FBXO3: variants seen among roughly 807,000 people sequenced by gnomAD.
The protein encoded by FBXO3 is F-box only protein 3.
In FBXO3, 17 loss-of-function variants were observed where a neutral mutation model predicts 64.8. That is an observed-to-expected ratio of 0.26 (90% CI 0.18 to 0.39). The LOEUF is 0.39. Ranked by LOEUF, FBXO3 falls within the 10% of genes least tolerant of loss-of-function variation. The probability of loss-of-function intolerance (pLI) is 1.00; values close to 1 mark genes in which losing one functional copy is unlikely to be tolerated. For missense variants in FBXO3, 420 were observed against 589.9 expected (o/e 0.71, Z 2.98); for synonymous variants, 182 against 201.6 (o/e 0.90, Z 0.82).
chr11:33,750,906 T>C (rs1854940625), intron 7 of FBXO3, among the ~76,000 whole-genome samples: 1 of 152,152 alleles, frequency 6.6e-6, no homozygotes, highest in African/African-American at 2.4e-5. Context: ...AAATAACGGA[T>C]TGGTAATTAG....
intron 8 of FBXO3, among the ~76,000 whole-genome samples, chr11:33,749,674 C>CT (rs1000804625): frequency 1.3e-5 from 2 of 152,178 alleles, no homozygotes; most frequent in African/African-American, 4.8e-5. Flanking sequence ...TGGGATTACA[C>CT]TTTGACTCTG....
intron 3 of FBXO3, among the ~76,000 whole-genome samples, chr11:33,759,497 T>A (rs1485391232): frequency 6.6e-6 from 1 of 152,126 alleles, no homozygotes; most frequent in African/African-American, 2.4e-5. Flanking sequence ...GGAAAAAGGA[T>A]GAACTGAAAA....
At chr11:33,751,915 T>C (rs1854970288) in intron 6 of FBXO3, among the ~76,000 whole-genome samples, 1 of 152,212 alleles carries the variant, frequency 6.6e-6, no homozygotes, top group Non-Finnish European at 1.5e-5. Context: ...GGTACAAGAA[T>C]GAAAAGCCTT....
intron 10 of FBXO3, chr11:33,745,736 A>T (rs895481010): frequency 6.6e-6 from 1 of 152,190 alleles, no homozygotes; most frequent in African/African-American, 2.4e-5. Context: ...TAAAAAAGCT[A>T]GAAGAAAAGC....
At chr11:33,761,355 T>C (rs1181025269) in intron 3 of FBXO3, among the ~76,000 whole-genome samples, 1 of 152,080 alleles carries the variant, frequency 6.6e-6, no homozygotes, top group Non-Finnish European at 1.5e-5. Flanking sequence ...AGACACATCT[T>C]AAAGTAAATA....
At chr11:33,760,284 G>A (rs1855210607) in intron 3 of FBXO3, among the ~76,000 whole-genome samples, 1 of 152,174 alleles carries the variant, frequency 6.6e-6, no homozygotes, top group Non-Finnish European at 1.5e-5. Context: ...TGTAGTGGGT[G>A]CAGTGAGGGT....
In FBXO3 at chr11:33,757,183, T is replaced by G. The variant is rs12224154; in HGVS notation, c.474-1208A>C. 7 of 448,214 alleles carry G rather than the reference T, an allele frequency of 1.6e-5. No individual in the cohort carries two copies. The East Asian group carries it at 4.1e-4, about 26-fold the overall frequency. 27.8% of individuals were successfully genotyped at this position (448,214 alleles called of 1,614,324 possible). On this transcript the variant is annotated intron_variant, in intron 4 of 10. Coordinates refer to ENST00000265651, the MANE Select transcript of FBXO3 (RefSeq NM_012175.4). ...AGGTTCCAATAAGAACAGTGCAAAG[T>G]TCTCCTTAAATTCTTATTAGCATTT...
intron 3 of FBXO3, among the ~76,000 whole-genome samples, chr11:33,766,179 T>C (rs1246701115): frequency 6.6e-6 from 1 of 152,202 alleles, no homozygotes; most frequent in East Asian, 1.9e-4. Flanking sequence ...TCTTTTCCCC[T>C]TAACCTACTC....
At chr11:33,760,293 GTATAATTACCTTCAA>G (rs1193673930) in intron 3 of FBXO3, among the ~76,000 whole-genome samples, 1 of 152,100 alleles carries the variant, frequency 6.6e-6, no homozygotes, top group Non-Finnish European at 1.5e-5. Flanking sequence ...TGCAGTGAGG[GTATAATTACCTTCAA>G]AAGAGAAACA....
intron 9 of FBXO3, among the ~76,000 whole-genome samples, chr11:33,748,550 A>G (rs1854873881): frequency 6.6e-6 from 1 of 152,210 alleles, no homozygotes; most frequent in African/African-American, 2.4e-5. Flanking sequence ...TCTAACCCAC[A>G]ACATACAATG....
intron 6 of FBXO3, among the ~76,000 whole-genome samples, chr11:33,751,827 G>T (rs557036939): frequency 6.6e-6 from 1 of 152,128 alleles, no homozygotes; most frequent in African/African-American, 2.4e-5. Flanking sequence ...CCCAACTATT[G>T]TTAGAGAATC....
chr11:33,758,373 G>A lies in FBXO3; in HGVS notation c.473+114C>T, dbSNP rs1855160292. On this transcript the variant is annotated intron_variant, in intron 4 of 10. Transcript: ENST00000265651. ...ATGGATTGCTATAAAGGAGAAAGAG[G>A]GAATTCCCATGCTTCTTTAATTTGT... The A allele has an allele frequency of 4.9e-6, 3 of 611,672 alleles. No individual in the cohort carries two copies. In the East Asian group the frequency reaches 9.2e-5, roughly 19 times the overall value. 37.9% of individuals were successfully genotyped at this position (611,672 alleles called of 1,614,324 possible).
chr11:33,768,773 A>G, intron 3 of FBXO3, 78 bp downstream of exon 3: 1 of 1,521,070 alleles, frequency 6.6e-7, no homozygotes, highest in Non-Finnish European at 9.1e-7. Context: ...TAGATGACAG[A>G]GATTCAAAGT....
At chr11:33,747,409 A>G in intron 9 of FBXO3, 89 bp from the exon 10 acceptor site, 1 of 1,041,926 alleles carries the variant, frequency 9.6e-7, no homozygotes, top group Non-Finnish European at 1.4e-6. Context: ...GCATTATGTA[A>G]ACTATATAAT....
chr11:33,757,682 G>A (rs187894263), intron 4 of FBXO3, among the ~76,000 whole-genome samples: 320 of 35,138 alleles, frequency 9.1e-3, no homozygotes, highest in Middle Eastern at 0.062. Context: ...AAAAAAAAAA[G>A]TCTGGGTGGT....
rs34611010 is a variant in FBXO3 at position 33,762,728 on chromosome 11, G to GAAA, written c.359-4130_359-4128dup. On this transcript the variant is annotated intron_variant, in intron 3 of 10. Coordinates refer to ENST00000265651, the MANE Select transcript of FBXO3 (RefSeq NM_012175.4). ...GATCTAAGCAATGATCCCAAGTCAG[G>GAAA]AAAAAAAAAAAAAATCACAGTAAAT... 9.9e-5 allele frequency among the ~76,000 whole-genome samples: 14 copies of GAAA among 141,542 alleles called. No individual in the cohort carries two copies. The East Asian group carries it at 1.2e-3, about 12-fold the overall frequency. The allele number at this position is 141,542 out of a possible 152,430, so 92.9% of individuals were successfully genotyped here.
chr11:33,751,666 C>T (rs1590567695), intron 6 of FBXO3, 59 bp from the exon 7 acceptor site: 2 of 981,582 alleles, frequency 2.0e-6, no homozygotes, highest in South Asian at 1.5e-5. Context: ...AAAATCTATA[C>T]AGGAAACAAT....
At position 33,747,127 on chromosome 11, in the gene FBXO3, T is replaced by C; in HGVS notation, c.1239+3A>G. ...ATCAGCACTAGAGGAAAATTTAACT[T>C]ACCAATCGGGCTATAGACACCCTGA... On this transcript the variant is annotated splice_donor_region_variant and intron_variant, in intron 10 of 10. Transcript: ENST00000265651. The C allele has an allele frequency of 6.2e-7, 1 of 1,608,756 alleles. No individual in the cohort carries two copies.
rs1313125705 is a variant in FBXO3 at position 33,741,586 on chromosome 11, A to G, written c.*322T>C. On this transcript the variant is annotated 3_prime_UTR_variant, in exon 11 of 11. Coordinates refer to ENST00000265651, the MANE Select transcript of FBXO3 (RefSeq NM_012175.4). ...GGTATTTTAAATCCTTATTCAAAACAGTTCCCTCTCCATTTCTAGATTTTT... is the reference window on the plus strand; with the variant it reads ...GGTATTTTAAATCCTTATTCAAAACGGTTCCCTCTCCATTTCTAGATTTTT... 3 of 179,778 alleles carry G rather than the reference A, an allele frequency of 1.7e-5. No homozygotes were observed. Among genetic ancestry groups the G allele is most frequent in the Middle Eastern group, 2.3e-3 (1 of 444 alleles). 11.1% of individuals were successfully genotyped at this position (179,778 alleles called of 1,614,324 possible). A position where few individuals can be genotyped will look rare whatever the true frequency, so the allele number is the denominator to read the frequency against.
Sources: gnomAD v4.1 joint callset for allele counts (sites outside exome capture counted in the v4.1 genomes callset) on GRCh38, gnomAD v4.1.1 for gene constraint, MANE v1.5 for transcripts, NCBI Gene and HGNC (gene_info 2026-07-23, HGNC 2026-07-21) for gene names.